ME3: variants seen among roughly 807,000 people sequenced by gnomAD.
ME3 encodes the protein malic enzyme 3.
A neutral mutation model predicts 68.9 loss-of-function variants in ME3; 48 were observed. The observed-to-expected ratio is 0.70, with a 90% CI of 0.55 to 0.89. ME3 has a LOEUF of 0.89. Among genes scored for constraint, ME3 ranks in the 40% least tolerant of loss-of-function variants. ME3 has a pLI of 0.00. For synonymous variants in ME3, 320 were observed against 318.8 expected (o/e 1.00, Z -0.04); for missense variants, 675 against 797.4 (o/e 0.85, Z 1.85).
chr11:86,618,945 G>A (rs1470217407), intron 2 of ME3, among the ~76,000 whole-genome samples: 6 of 152,084 alleles, frequency 3.9e-5, no homozygotes, highest in African/African-American at 9.7e-5. Flanking sequence ...TCCTGACCTC[G>A]TGATCCACCC....
At chr11:86,617,051 T>G (rs960839662) in intron 2 of ME3, among the ~76,000 whole-genome samples, 1 of 56,982 alleles carries the variant, frequency 1.8e-5, no homozygotes, top group African/African-American at 8.1e-5. Context: ...AGTAGTTTTT[T>G]TTTTTTTTTT....
chr11:86,576,520 A>C (rs147999592), intron 2 of ME3, among the ~76,000 whole-genome samples: 1 of 152,194 alleles, frequency 6.6e-6, no homozygotes, highest in Non-Finnish European at 1.5e-5. Context: ...CACTTCTTCC[A>C]TGTGCTGCCT....
intron 7 of ME3, 80 bp downstream of exon 7, chr11:86,487,257 A>G (rs1447395950): frequency 6.7e-6 from 8 of 1,199,622 alleles, no homozygotes; most frequent in Non-Finnish European, 8.6e-6. Flanking sequence ...TACTTTGTAT[A>G]TCAGCCAAAA....
intron 4 of ME3, among the ~76,000 whole-genome samples, chr11:86,535,141 A>C (rs968284039): frequency 6.6e-6 from 1 of 152,184 alleles, no homozygotes; most frequent in African/African-American, 2.4e-5. Flanking sequence ...TTGTCCTGCT[A>C]TTACTTGAAT....
intron 4 of ME3, among the ~76,000 whole-genome samples, chr11:86,547,630 T>TA (rs1338007555): frequency 1.3e-5 from 2 of 151,608 alleles, no homozygotes; most frequent in Non-Finnish European, 2.9e-5. Flanking sequence ...TAAAGTATAA[T>TA]AAAATAAAAT....
intron 13 of ME3, among the ~76,000 whole-genome samples, chr11:86,445,303 T>C (rs1485465003): frequency 6.6e-6 from 1 of 152,196 alleles, no homozygotes; most frequent in East Asian, 1.9e-4. Flanking sequence ...AGACATTATT[T>C]GCACAGCCTT....
chr11:86,512,386 T>C (rs771960837), intron 4 of ME3, among the ~76,000 whole-genome samples: 4 of 152,252 alleles, frequency 2.6e-5, no homozygotes, highest in Admixed American at 2.0e-4. Flanking sequence ...CATTAGACTG[T>C]GAACTTCAGA....
chr11:86,526,972 A>G (rs1196156288), intron 4 of ME3, among the ~76,000 whole-genome samples: 12 of 152,230 alleles, frequency 7.9e-5, no homozygotes, highest in Admixed American at 7.9e-4. Context: ...CCTCCTCCAA[A>G]GGAACGCAGC....
At chr11:86,531,707 G>T (rs1034838342) in intron 4 of ME3, among the ~76,000 whole-genome samples, 2 of 151,802 alleles carry the variant, frequency 1.3e-5, no homozygotes, top group Non-Finnish European at 2.9e-5. Context: ...TAGGGACATG[G>T]ATGAAGCTGG....
chr11:86,596,201 A>G (rs898008885), intron 2 of ME3, among the ~76,000 whole-genome samples: 2 of 152,224 alleles, frequency 1.3e-5, no homozygotes, highest in Admixed American at 1.3e-4. Context: ...AATGGAAAGC[A>G]TACATACCCC....
intron 7 of ME3, among the ~76,000 whole-genome samples, chr11:86,476,670 A>C (rs919746287): frequency 6.6e-6 from 1 of 151,900 alleles, no homozygotes; most frequent in African/African-American, 2.4e-5. Flanking sequence ...GCTCCCCTCT[A>C]TGTACACATG....
chr11:86,597,422 C>T (rs529825485), intron 2 of ME3, among the ~76,000 whole-genome samples: 96 of 152,182 alleles, frequency 6.3e-4, no homozygotes, highest in Non-Finnish European at 1.2e-3. Context: ...TATTTTTGGT[C>T]AAAGGACTTT....
rs563831322 is a variant in ME3, at chr11:86,618,531, A to G, written c.183+53231T>C. On this transcript the variant is annotated intron_variant, in intron 2 of 14. Transcript: ENST00000543262. ...GCTAAGTCTAAATCTAAACATACAC[A>G]GCCTTGAAGCTGGTCACAATTGTTT... 3.9e-5 allele frequency among the ~76,000 whole-genome samples: 6 copies of G among 152,188 alleles called. No homozygotes were observed. The East Asian group carries it at 1.2e-3, about 29-fold the overall frequency.
rs529247084 is a variant in ME3, at chr11:86,664,597, T to A, written c.183+7165A>T. 3.3e-5 allele frequency among the ~76,000 whole-genome samples: 5 copies of A among 152,176 alleles called. No homozygotes were observed. The East Asian group carries it at 9.7e-4, about 29-fold the overall frequency. ...GACCCTTGGGAGCAGAGGCTCTGAGTGGTTTCCTTTGACTTTTATAGGGGT... is the reference window on the plus strand; with the variant it reads ...GACCCTTGGGAGCAGAGGCTCTGAGAGGTTTCCTTTGACTTTTATAGGGGT... On this transcript the variant is annotated intron_variant, in intron 2 of 14. Transcript: ENST00000543262.
At chr11:86,581,771 A>G (rs1204524971) in intron 2 of ME3, among the ~76,000 whole-genome samples, 1 of 152,148 alleles carries the variant, frequency 6.6e-6, no homozygotes, top group Non-Finnish European at 1.5e-5. Context: ...TAACCCAGTA[A>G]AAACTGGAGA....
chr11:86,448,370 G>T, intron 10 of ME3, 115 bp from the exon 11 acceptor site: 2 of 744,522 alleles, frequency 2.7e-6, no homozygotes, highest in Non-Finnish European at 4.6e-6. Flanking sequence ...TTTGGTTTGA[G>T]CTGTCAGATG....
chr11:86,556,559 C>A, exon 4 of ME3: 1 of 1,613,776 alleles, frequency 6.2e-7, no homozygotes, highest in Non-Finnish European at 8.5e-7. Context: ...TCACCGGGGC[C>A]TGCGGAAAGT....
intron 2 of ME3, among the ~76,000 whole-genome samples, chr11:86,564,427 A>T (rs191880023): frequency 6.1e-5 from 9 of 148,470 alleles, no homozygotes; most frequent in South Asian, 2.2e-4. Context: ...CTTTTTTTTT[A>T]AAAAGGGACT....
At chr11:86,535,193 C>A (rs1165765975) in intron 4 of ME3, among the ~76,000 whole-genome samples, 1 of 152,162 alleles carries the variant, frequency 6.6e-6, no homozygotes, top group East Asian at 1.9e-4. Flanking sequence ...GTAATTTTCT[C>A]TGCTCCTTAC....
Sources: gnomAD v4.1 joint callset for allele counts (sites outside exome capture counted in the v4.1 genomes callset) on GRCh38, gnomAD v4.1.1 for gene constraint, MANE v1.5 for transcripts, NCBI Gene and HGNC (gene_info 2026-07-23, HGNC 2026-07-21) for gene names.